Variants in DPYSL5 observed in about 807,000 individuals in gnomAD.
DPYSL5 encodes dihydropyrimidinase-related protein 5.
DPYSL5 carries 9 observed loss-of-function variants against 58.4 expected under a neutral mutation model. The ratio of observed to expected loss-of-function variants is 0.15; its 90% CI spans 0.09 to 0.27. The LOEUF (loss-of-function observed/expected upper bound fraction) is 0.27. DPYSL5 is among the 10% of genes least tolerant of loss of function. The pLI, the probability that DPYSL5 is intolerant of heterozygous loss-of-function variation, is 1.00. For missense variants in DPYSL5, 499 were observed against 770.6 expected (o/e 0.65, Z 4.17); for synonymous variants, 293 against 301.9 (o/e 0.97, Z 0.31).
At chr2:26,888,245 C>CT (rs1663775698) in intron 1 of DPYSL5, among the ~76,000 whole-genome samples, 3 of 143,464 alleles carry the variant, frequency 2.1e-5, no homozygotes, top group African/African-American at 7.9e-5. Context: ...TTCTTTCTTT[C>CT]TTTCTTTCTT....
At position 26,888,279 on chromosome 2, in the gene DPYSL5, G is replaced by GTCTT. The variant is rs1438222892; in HGVS notation, c.-4-10202_-4-10199dup. Among the ~76,000 whole-genome samples the GTCTT allele has an allele frequency of 1.6e-4, 14 of 85,006 alleles. 1 individual carries two copies. In the East Asian group the frequency reaches 1.8e-3, roughly 11 times the overall value. 55.8% of individuals were successfully genotyped at this position (85,006 alleles called of 152,430 possible). A position where few individuals can be genotyped will look rare whatever the true frequency, so the allele number is the denominator to read the frequency against. On this transcript the variant is annotated intron_variant, in intron 1 of 12. Transcript: ENST00000288699. The stretch of plus-strand genomic sequence containing the variant: ...TTTCTTTCTTTCTGTCTTTCTTTCT[G>GTCTT]TCTTTCTTTCTTTCTTTCATCTCTG...
chr2:26,888,035 G>A (rs1247143123), intron 1 of DPYSL5, among the ~76,000 whole-genome samples: 1 of 152,208 alleles, frequency 6.6e-6, no homozygotes, highest in African/African-American at 2.4e-5. Flanking sequence ...CTTGCAGTGT[G>A]ACACCTTCCC....
Position 26,898,867 on chromosome 2 carries a change from C to T in DPYSL5, c.261+107C>T. 3 of 1,392,912 alleles carry T rather than the reference C, an allele frequency of 2.2e-6. No homozygotes were observed. Among genetic ancestry groups the T allele is most frequent in the Non-Finnish European group, 2.9e-6 (3 of 1,030,996 alleles). 86.3% of individuals were successfully genotyped at this position (1,392,912 alleles called of 1,614,324 possible). ...TGAGCCAGGTGCTCCCAGTGTATTG[C>T]TGGCAGGAGAAGGGTGTGTCAGGGC... On this transcript the variant is annotated intron_variant, in intron 2 of 12. Transcript: ENST00000288699. This position sits in a 1 kb window ranked among gnomAD's most constrained non-coding sequence, Gnocchi z 6.1.
intron 2 of DPYSL5, among the ~76,000 whole-genome samples, chr2:26,900,423 T>C (rs796151337): frequency 5.9e-5 from 9 of 152,340 alleles, no homozygotes; most frequent in African/African-American, 2.2e-4. Flanking sequence ...ATTCATTCAC[T>C]TTCATTGCTT....
At chr2:26,863,887 G>A (rs1666078772) in intron 1 of DPYSL5, among the ~76,000 whole-genome samples, 1 of 152,140 alleles carries the variant, frequency 6.6e-6, no homozygotes, top group South Asian at 2.1e-4. Flanking sequence ...TTAATGCACT[G>A]TCTGCACTCT....
At position 26,924,746 on chromosome 2, in the gene DPYSL5, A is replaced by C; in HGVS notation, c.262-141A>C. 1 of 1,246,430 alleles carries C rather than the reference A, an allele frequency of 8.0e-7. No individual in the cohort carries two copies. The highest frequency in any genetic ancestry group is 1.1e-6 in the Non-Finnish European group (1 of 933,042). 77.2% of individuals were successfully genotyped at this position (1,246,430 alleles called of 1,614,324 possible). On this transcript the variant is annotated intron_variant, in intron 2 of 12. Coordinates refer to ENST00000288699, the MANE Select transcript of DPYSL5 (RefSeq NM_020134.4). This position sits in a 1 kb window ranked among gnomAD's most constrained non-coding sequence, Gnocchi z 4.7. The stretch of plus-strand genomic sequence containing the variant: ...TCCACATGGCTCTTTACAGTTTCCC[A>C]AACCTCGCTGCCCTTGGTCCTCACA...
chr2:26,858,320 C>CGCCACTCAA (rs1241656122), intron 1 of DPYSL5, among the ~76,000 whole-genome samples: 1 of 151,798 alleles, frequency 6.6e-6, no homozygotes, highest in African/African-American at 2.4e-5. Context: ...TACAGGCACG[C>CGCCACTCAA]GCCACCAAGC....
chr2:26,867,732 G>A (rs1663136202), intron 1 of DPYSL5, among the ~76,000 whole-genome samples: 1 of 152,172 alleles, frequency 6.6e-6, no homozygotes, highest in South Asian at 2.1e-4. Flanking sequence ...TGGGATTACA[G>A]GCGTGAGCCA....
At chr2:26,897,542 T>A (rs1299802051) in intron 1 of DPYSL5, among the ~76,000 whole-genome samples, 1 of 152,250 alleles carries the variant, frequency 6.6e-6, no homozygotes, top group Non-Finnish European at 1.5e-5. Flanking sequence ...TTTTTAAATG[T>A]TGCTGAATTC....
At chr2:26,932,159 GAA>G (rs1296824988) in intron 6 of DPYSL5, among the ~76,000 whole-genome samples, 4 of 57,284 alleles carry the variant, frequency 7.0e-5, no homozygotes, top group South Asian at 7.3e-4. Flanking sequence ...AAGAAAGAAA[GAA>G]AGAAAGAAAG....
intron 1 of DPYSL5, among the ~76,000 whole-genome samples, chr2:26,869,809 A>C (rs545878993): frequency 6.6e-6 from 1 of 152,220 alleles, no homozygotes; most frequent in African/African-American, 2.4e-5. Context: ...CAGGAGATCG[A>C]GACCATCCTG....
intron 1 of DPYSL5, among the ~76,000 whole-genome samples, chr2:26,870,655 A>G (rs534411143): frequency 6.6e-6 from 1 of 151,218 alleles, no homozygotes; most frequent in African/African-American, 2.4e-5. Context: ...GCAGTGAGCT[A>G]TGATCCGCCA....
At chr2:26,878,468 T>C (rs1168097961) in intron 1 of DPYSL5, among the ~76,000 whole-genome samples, 1 of 152,226 alleles carries the variant, frequency 6.6e-6, no homozygotes, top group Non-Finnish European at 1.5e-5. Flanking sequence ...TGGTATCTTT[T>C]GCTGTATCAT....
intron 9 of DPYSL5, among the ~76,000 whole-genome samples, chr2:26,940,432 G>A (rs1034081306): frequency 4.0e-5 from 6 of 148,690 alleles, no homozygotes; most frequent in South Asian, 2.1e-4. Context: ...TTAATTCCAC[G>A]CCTAGAAATT....
In DPYSL5 at chr2:26,934,932, T is replaced by C. The variant is rs1665134379; in HGVS notation, c.947+198T>C. On this transcript the variant is annotated intron_variant, in intron 8 of 12. Transcript: ENST00000288699. This position sits in a 1 kb window ranked among gnomAD's most constrained non-coding sequence, Gnocchi z 4.3. Reference sequence around the variant, plus strand: ...TGACCGCTTGATATGGAGTGAGATCTTCTGAAGTATAAGAGTGAAGAGCAC... The same window carrying C: ...TGACCGCTTGATATGGAGTGAGATCCTCTGAAGTATAAGAGTGAAGAGCAC... Among the ~76,000 whole-genome samples the C allele has an allele frequency of 6.6e-6, 1 of 151,778 alleles. No homozygotes were observed. Among genetic ancestry groups the C allele is most frequent in the South Asian group, 2.1e-4 (1 of 4,830 alleles).
rs1226840117 is a variant in DPYSL5 at position 26,925,958 on chromosome 2, G to A, written c.420+913G>A. ...TTCCGTCAAAAACCCACTTGTAACT[G>A]CTGCTAATCAGAGTGTATATTCAGG... On this transcript the variant is annotated intron_variant, in intron 3 of 12. Coordinates refer to ENST00000288699, the MANE Select transcript of DPYSL5 (RefSeq NM_020134.4). This position sits in a 1 kb window ranked among gnomAD's most constrained non-coding sequence, Gnocchi z 4.5. Among the ~76,000 whole-genome samples, 1 of 152,166 alleles carries A rather than the reference G, an allele frequency of 6.6e-6. No homozygotes were observed. The highest frequency in any genetic ancestry group is 1.5e-5 in the Non-Finnish European group (1 of 68,032).
intron 2 of DPYSL5, among the ~76,000 whole-genome samples, chr2:26,915,542 C>CA (rs1300809934): frequency 6.6e-6 from 1 of 152,198 alleles, no homozygotes; most frequent in Non-Finnish European, 1.5e-5. Context: ...CCTGGGCTCC[C>CA]AGCCCCTCAG....
chr2:26,851,096 C>T (rs1216324129), intron 1 of DPYSL5, among the ~76,000 whole-genome samples: 6 of 151,978 alleles, frequency 3.9e-5, no homozygotes, highest in African/African-American at 1.2e-4. Context: ...ATATTAGAAA[C>T]CTAGAAATCT....
chr2:26,932,208 A>AAAGAAAAGAAAG (rs1178078504), intron 6 of DPYSL5, among the ~76,000 whole-genome samples: 1 of 70,170 alleles, frequency 1.4e-5, no homozygotes, highest in African/African-American at 5.7e-5. Flanking sequence ...AGAAAGAAAG[A>AAAGAAAAGAAAG]AAAGAAAGAA....
Sources: allele counts gnomAD v4.1 joint callset (sites outside exome capture counted in the v4.1 genomes callset), GRCh38; gene constraint gnomAD v4.1.1; non-coding constraint Gnocchi (gnomAD v3.1); transcripts MANE v1.5; gene names NCBI Gene and HGNC (gene_info 2026-07-23, HGNC 2026-07-21).